Variants in COL19A1 observed in about 807,000 individuals in gnomAD.
The protein encoded by COL19A1 is collagen alpha-1(XIX) chain.
A neutral mutation model predicts 190.2 loss-of-function variants in COL19A1; 159 were observed. That is an observed-to-expected ratio of 0.84 (90% CI 0.73 to 0.95). The LOEUF (loss-of-function observed/expected upper bound fraction) is 0.95. Ranked by LOEUF, COL19A1 falls within the 40% of genes least tolerant of loss-of-function variation. The pLI is 0.00. For synonymous variants in COL19A1, 509 were observed against 458.9 expected (o/e 1.11, Z -1.39); for missense variants, 1,418 against 1,431.9 (o/e 0.99, Z 0.16).
intron 11 of COL19A1, among the ~76,000 whole-genome samples, chr6:70,009,335 T>G (rs1175231030): frequency 6.6e-6 from 1 of 152,064 alleles, no homozygotes; most frequent in African/African-American, 2.4e-5. Context: ...ATACAAATTT[T>G]TATTTGATTT....
intron 9 of COL19A1, among the ~76,000 whole-genome samples, chr6:69,943,408 C>A (rs1773595719): frequency 6.6e-6 from 1 of 152,008 alleles, no homozygotes; most frequent in South Asian, 2.1e-4. Context: ...CTTTTTATTG[C>A]AATATGGTCC....
chr6:69,958,623 G>T (rs1774578758), intron 9 of COL19A1, among the ~76,000 whole-genome samples: 2 of 152,136 alleles, frequency 1.3e-5, no homozygotes, highest in South Asian at 4.1e-4. Context: ...ACATTTAGCA[G>T]CAAAGTTTTA....
rs1162853110 is a variant in COL19A1, at chr6:70,211,767, A to G, written c.*4493A>G. ...TACTCAACAAAATAATGCTAGAGTA[A>G]CTGATCAATTTGGTTAAATTGAATG... On this transcript the variant is annotated 3_prime_UTR_variant, in exon 51 of 51. Coordinates refer to ENST00000620364, the MANE Select transcript of COL19A1 (RefSeq NM_001858.6). Among the ~76,000 whole-genome samples the G allele has an allele frequency of 6.6e-6, 1 of 151,994 alleles. No individual in the cohort carries two copies. The highest frequency in any genetic ancestry group is 1.5e-5 in the Non-Finnish European group (1 of 67,994).
chr6:70,066,149 C>T (rs138999968), intron 14 of COL19A1, among the ~76,000 whole-genome samples: 8,280 of 152,156 alleles, frequency 0.054, 708 homozygotes, highest in African/African-American at 0.19. Context: ...CACATGCACA[C>T]GTATGTTTAT....
At chr6:70,178,205 T>C (rs1305086507) in intron 42 of COL19A1, among the ~76,000 whole-genome samples, 1 of 152,088 alleles carries the variant, frequency 6.6e-6, no homozygotes, top group Non-Finnish European at 1.5e-5. Flanking sequence ...CTGGGAAACA[T>C]GGCAAAACTC....
chr6:69,885,241 G>T (rs1362617388), intron 2 of COL19A1, among the ~76,000 whole-genome samples: 2 of 152,040 alleles, frequency 1.3e-5, no homozygotes, highest in African/African-American at 4.8e-5. Flanking sequence ...AGGAAAGTGG[G>T]GCTGATAGTT....
At chr6:70,067,405 C>T (rs1001365459) in intron 14 of COL19A1, among the ~76,000 whole-genome samples, 1 of 152,082 alleles carries the variant, frequency 6.6e-6, no homozygotes, top group Non-Finnish European at 1.5e-5. Context: ...AGATTTCTGG[C>T]ATGAGCATGA....
intron 18 of COL19A1, chr6:70,130,988 T>C: frequency 2.2e-6 from 1 of 446,888 alleles, no homozygotes; most frequent in South Asian, 1.7e-5. Context: ...CAAATAATTA[T>C]TTCAAAATAG....
At chr6:69,966,143 C>G (rs534075552) in intron 11 of COL19A1, among the ~76,000 whole-genome samples, 1 of 152,088 alleles carries the variant, frequency 6.6e-6, no homozygotes, top group African/African-American at 2.4e-5. Flanking sequence ...AGAAGCCGTC[C>G]GGGAGGTGGG....
chr6:69,936,327 A>G (rs958561351), intron 7 of COL19A1, among the ~76,000 whole-genome samples: 12 of 152,158 alleles, frequency 7.9e-5, no homozygotes, highest in Admixed American at 3.9e-4. Context: ...GAGTGTAAAA[A>G]GAATTTATTT....
At chr6:69,876,979 A>G (rs1424685571) in intron 1 of COL19A1, among the ~76,000 whole-genome samples, 1 of 152,328 alleles carries the variant, frequency 6.6e-6, no homozygotes, top group East Asian at 1.9e-4. Flanking sequence ...ACCCAGAAAG[A>G]TCTGAAATCT....
chr6:70,025,097 C>T (rs930056992), intron 12 of COL19A1, among the ~76,000 whole-genome samples: 12 of 149,820 alleles, frequency 8.0e-5, no homozygotes, highest in Middle Eastern at 3.4e-3. Flanking sequence ...GTGGCATGAT[C>T]TCGGCTCACT....
At chr6:70,060,911 C>T (rs181410742) in intron 14 of COL19A1, among the ~76,000 whole-genome samples, 3 of 152,196 alleles carry the variant, frequency 2.0e-5, no homozygotes, top group East Asian at 3.9e-4. Flanking sequence ...TGCTCTAGAG[C>T]TCACGGTCAA....
rs1736 is a variant in COL19A1 at position 70,207,294 on chromosome 6, G to A, written c.*20G>A. The A allele has an allele frequency of 0.37, 587,681 of 1,600,762 alleles. 110,119 individuals carry two copies. Among genetic ancestry groups the A allele is most frequent in the Middle Eastern group, 0.44 (2,624 of 5,984 alleles). ...AATTGAACACACCTGAAGAAGACTTGGTTCCTGGTAACATTTCCTTGCCAC... is the reference window on the plus strand; with the variant it reads ...AATTGAACACACCTGAAGAAGACTTAGTTCCTGGTAACATTTCCTTGCCAC... On this transcript the variant is annotated 3_prime_UTR_variant, in exon 51 of 51. Transcript: ENST00000620364.
At chr6:69,921,681 T>C (rs971556118) in intron 4 of COL19A1, among the ~76,000 whole-genome samples, 10 of 147,616 alleles carry the variant, frequency 6.8e-5, no homozygotes, top group Admixed American at 6.3e-4. Context: ...GATTCGTATA[T>C]ATTCGTATGT....
chr6:69,898,936 C>CT lies in COL19A1; in HGVS notation c.92-7dup. 6.4e-7 allele frequency: 1 copy of CT among 1,555,696 alleles called. No homozygotes were observed. The highest frequency in any genetic ancestry group is 8.8e-7 in the Non-Finnish European group (1 of 1,136,600). ...AATGCAAATCCTCTATGCTTTTTTTCTTTTTAAATAGAAGAGTCATGCCCT... is the reference window on the plus strand; with the variant it reads ...AATGCAAATCCTCTATGCTTTTTTTCTTTTTTAAATAGAAGAGTCATGCCCT... On this transcript the variant is annotated splice_polypyrimidine_tract_variant and intron_variant, in intron 2 of 50. Coordinates refer to ENST00000620364, the MANE Select transcript of COL19A1 (RefSeq NM_001858.6).
In COL19A1 at chr6:70,206,960, G is replaced by C. The variant is rs1767909719; in HGVS notation, c.3283G>C (p.Gly1095Arg). 5 of 1,613,720 alleles carry C rather than the reference G, an allele frequency of 3.1e-6. No homozygotes were observed. Among genetic ancestry groups the C allele is most frequent in the East Asian group, 2.2e-5 (1 of 44,882 alleles). ...EPGIGLPGSP[G>R]LPGTSALGLP... ...TGGAATTGGGCTGCCAGGGAGTCCA[G>C]GTCTTCCTGGGACTTCAGGTAAGTG... The change falls in exon 50 of 51, where the codon GGT becomes CGT. Residue 1095 changes from glycine (G) to arginine (R), a missense_variant. Gly to Arg is a moderately radical substitution (Grantham distance 125). Transcript: ENST00000620364.
chr6:70,099,056 TAAAAAAAAAAAAAA>T (rs5877239), intron 15 of COL19A1, among the ~76,000 whole-genome samples: 17 of 75,888 alleles, frequency 2.2e-4, no homozygotes, highest in African/African-American at 8.4e-4. Flanking sequence ...ACCCTGTCTC[TAAAAAAAAAAAAAA>T]AAAAAAAAAA....
chr6:70,077,722 T>C (rs564100800), intron 15 of COL19A1, among the ~76,000 whole-genome samples: 144 of 152,312 alleles, frequency 9.5e-4, no homozygotes, highest in African/African-American at 3.3e-3. Context: ...ATGTTAACAA[T>C]GTGTCTATGC....
Sources: allele counts gnomAD v4.1 joint callset (sites outside exome capture counted in the v4.1 genomes callset), GRCh38; gene constraint gnomAD v4.1.1; transcripts MANE v1.5; gene names NCBI Gene and HGNC (gene_info 2026-07-23, HGNC 2026-07-21).